The following CSE1L variants were observed in gnomAD, a reference collection of about 807,000 sequenced individuals.
CSE1L encodes exportin-2.
CSE1L carries 24 observed loss-of-function variants against 120.4 expected under a neutral mutation model. That is an observed-to-expected ratio of 0.20 (90% CI 0.14 to 0.28). CSE1L has a LOEUF of 0.28. Ranked by LOEUF, CSE1L falls within the 10% of genes least tolerant of loss-of-function variation. The pLI, the probability that CSE1L is intolerant of heterozygous loss-of-function variation, is 1.00. For missense variants in CSE1L, 830 were observed against 1,145.2 expected (o/e 0.72, Z 3.97); for synonymous variants, 402 against 398.3 (o/e 1.01, Z -0.11).
intron 1 of CSE1L, among the ~76,000 whole-genome samples, chr20:49,050,264 A>G (rs562922959): frequency 6.6e-6 from 1 of 151,084 alleles, no homozygotes; most frequent in Non-Finnish European, 1.5e-5. Context: ...AGTCACCCAT[A>G]CTGGACTGCA....
chr20:49,063,122 T>G (rs1451235190), intron 2 of CSE1L, 80 bp from the exon 3 acceptor site: 1 of 739,246 alleles, frequency 1.4e-6, no homozygotes, highest in East Asian at 4.0e-5. Flanking sequence ...TTTTTGATTT[T>G]TTTTTATATA....
At chr20:49,076,426 TC>T (rs2091968709) in intron 12 of CSE1L, among the ~76,000 whole-genome samples, 1 of 151,748 alleles carries the variant, frequency 6.6e-6, no homozygotes, top group Non-Finnish European at 1.5e-5. Context: ...CCTCAGGTGA[TC>T]CACCTGCCTT....
chr20:49,063,955 G>T (rs2091871252), intron 3 of CSE1L, among the ~76,000 whole-genome samples: 1 of 152,174 alleles, frequency 6.6e-6, no homozygotes, highest in East Asian at 1.9e-4. Flanking sequence ...TTAATGATTA[G>T]TAAATTATAA....
chr20:49,050,160 C>T (rs1051177167), intron 1 of CSE1L, among the ~76,000 whole-genome samples: 1 of 151,738 alleles, frequency 6.6e-6, no homozygotes, highest in South Asian at 2.1e-4. Context: ...TCAACTTAAT[C>T]ATTTTAGGTT....
At chr20:49,065,887 C>T (rs1234265536) in intron 3 of CSE1L, among the ~76,000 whole-genome samples, 1 of 152,130 alleles carries the variant, frequency 6.6e-6, no homozygotes, top group African/African-American at 2.4e-5. Context: ...AGCCACTGCG[C>T]CCAGTCTAAA....
In CSE1L at chr20:49,072,534, T is replaced by C. The variant is rs566631299; in HGVS notation, c.937-34T>C. 1.4e-5 allele frequency: 22 copies of C among 1,602,838 alleles called. No individual in the cohort carries two copies. In the Admixed American group the frequency reaches 2.8e-4, roughly 20 times the overall value. On this transcript the variant is annotated intron_variant, in intron 9 of 24. Transcript: ENST00000262982. The stretch of plus-strand genomic sequence containing the variant: ...AGAAATAAGCTGTTGAGTTTTGCTT[T>C]TAAAAATATTCTTGTTTTTGTGTTT...
chr20:49,093,176 C>CCGGCAG (rs1021502182), intron 22 of CSE1L, among the ~76,000 whole-genome samples: 1 of 152,162 alleles, frequency 6.6e-6, no homozygotes, highest in African/African-American at 2.4e-5. Context: ...AACATGGCTT[C>CCGGCAG]CGGCAGTAGG....
chr20:49,048,090 T>TC (rs2091735198), intron 1 of CSE1L, among the ~76,000 whole-genome samples: 1 of 152,130 alleles, frequency 6.6e-6, no homozygotes, highest in Non-Finnish European at 1.5e-5. Flanking sequence ...TTGCTCTTTT[T>TC]CTCACCTTGG....
chr20:49,059,704 C>T (rs761162013), intron 2 of CSE1L, among the ~76,000 whole-genome samples: 1 of 151,744 alleles, frequency 6.6e-6, no homozygotes, highest in Non-Finnish European at 1.5e-5. Flanking sequence ...ATGGTGAAAC[C>T]CCTTCTCTAC....
chr20:49,072,930 A>C (rs181739828), intron 10 of CSE1L, among the ~76,000 whole-genome samples: 67 of 152,340 alleles, frequency 4.4e-4, no homozygotes, highest in Admixed American at 8.5e-4. Flanking sequence ...CTAAGAAGAT[A>C]AACTATCTGG....
chr20:49,050,561 C>G (rs1035271988), intron 1 of CSE1L, among the ~76,000 whole-genome samples: 21 of 151,362 alleles, frequency 1.4e-4, no homozygotes, highest in Non-Finnish European at 2.1e-4. Context: ...TGCCACCACG[C>G]CCGGCTAATT....
chr20:49,051,912 T>A (rs1403397416), intron 1 of CSE1L, among the ~76,000 whole-genome samples: 1 of 152,186 alleles, frequency 6.6e-6, no homozygotes. Flanking sequence ...CCCACGCTGG[T>A]CTTGAAATCC....
At chr20:49,080,753 G>A (rs1281431957) in intron 14 of CSE1L, among the ~76,000 whole-genome samples, 1 of 152,132 alleles carries the variant, frequency 6.6e-6, no homozygotes, top group Admixed American at 6.5e-5. Flanking sequence ...TAGGATTACA[G>A]GCATGAGCCA....
chr20:49,058,454 T>C lies in CSE1L; in HGVS notation c.-10T>C. 3.7e-6 allele frequency: 6 copies of C among 1,601,182 alleles called. No individual in the cohort carries two copies. The highest frequency in any genetic ancestry group is 5.1e-6 in the Non-Finnish European group (6 of 1,171,640). ...TCCAAACCTTATTTTATATTTTAGATCCTATAGCAATGGAACTCAGCGATG... is the reference window on the plus strand; with the variant it reads ...TCCAAACCTTATTTTATATTTTAGACCCTATAGCAATGGAACTCAGCGATG... On this transcript the variant is annotated splice_region_variant and 5_prime_UTR_variant, in exon 2 of 25. Coordinates refer to ENST00000262982, the MANE Select transcript of CSE1L (RefSeq NM_001316.4).
rs150509953 is a variant in CSE1L, at chr20:49,095,168, G to A, written c.2826+205G>A. On this transcript the variant is annotated intron_variant, in intron 24 of 24. Transcript: ENST00000262982. ...TACTACAAATATATTTTAAGTGAAT[G>A]GATTTAGGAGTGAGAACAAAGGAGG... 7.8e-4 allele frequency: 525 copies of A among 675,402 alleles called. 3 individuals are homozygous for A. The African/African-American group carries it at 8.5e-3, about 11-fold the overall frequency. The allele number at this position is 675,402 out of a possible 1,614,324, so 41.8% of individuals were successfully genotyped here.
chr20:49,074,737 C>A, intron 10 of CSE1L, 48 bp from the exon 11 acceptor site: 1 of 1,506,420 alleles, frequency 6.6e-7, no homozygotes, highest in South Asian at 1.2e-5. Context: ...CTGTAAAGTA[C>A]AGTGACGTCT....
intron 12 of CSE1L, 145 bp downstream of exon 12, chr20:49,075,665 C>G: frequency 1.4e-6 from 1 of 720,748 alleles, no homozygotes; most frequent in Non-Finnish European, 2.2e-6. Flanking sequence ...CTGAAGATGG[C>G]TTTATGTTGA....
At chr20:49,054,814 G>A (rs2091794260) in intron 1 of CSE1L, among the ~76,000 whole-genome samples, 1 of 152,104 alleles carries the variant, frequency 6.6e-6, no homozygotes, top group Admixed American at 6.6e-5. Flanking sequence ...ATATGATCTG[G>A]TCTTGATCTC....
intron 14 of CSE1L, among the ~76,000 whole-genome samples, chr20:49,078,926 C>G (rs1480178727): frequency 2.6e-5 from 4 of 152,226 alleles, no homozygotes; most frequent in Non-Finnish European, 4.4e-5. Flanking sequence ...GAGTCTCATT[C>G]TGTCACCCAA....
Sources: gnomAD v4.1 joint callset for allele counts (sites outside exome capture counted in the v4.1 genomes callset) on GRCh38, gnomAD v4.1.1 for gene constraint, MANE v1.5 for transcripts, NCBI Gene and HGNC (gene_info 2026-07-23, HGNC 2026-07-21) for gene names.